TRPA1: variants seen among roughly 807,000 people sequenced by gnomAD.
TRPA1 encodes the protein ankyrin-like with transmembrane domains 1.
In TRPA1, 129 loss-of-function variants were observed where a neutral mutation model predicts 131.3. That is an observed-to-expected ratio of 0.98 (90% CI 0.85 to 1.14). The LOEUF (loss-of-function observed/expected upper bound fraction) is 1.14. Ranked by LOEUF, TRPA1 falls within the 50% of genes most tolerant of loss-of-function variation. The pLI, the probability that TRPA1 is intolerant of heterozygous loss-of-function variation, is 0.00. For synonymous variants in TRPA1, 441 were observed against 451.7 expected, an observed-to-expected ratio of 0.98 and a Z score of 0.30; for missense variants, 1,304 against 1,354.2, an observed-to-expected ratio of 0.96 and a Z score of 0.58.
rs1369924831 is a variant in TRPA1, at chr8:72,026,000, A to G, written c.3011T>C (p.Ile1004Thr). The G allele has an allele frequency of 6.2e-7, 1 of 1,613,888 alleles. No individual in the cohort carries two copies. Among genetic ancestry groups the G allele is most frequent in the Non-Finnish European group, 8.5e-7 (1 of 1,179,932 alleles). ...FLRKVDQKST[I>T]VYPNKPRSGG... ...AGATCTGGGTTTGTTGGGATACACGATGGTGGATTTCTGATCCACTTTGCG... is the reference window on the plus strand; with the variant it reads ...AGATCTGGGTTTGTTGGGATACACGGTGGTGGATTTCTGATCCACTTTGCG... Residue 1004 changes from isoleucine (I) to threonine (T), a missense_variant, in exon 25 of 27, where the codon ATC becomes ACC. Transcript: ENST00000262209.
At position 72,022,559 on chromosome 8, in the gene TRPA1, G is replaced by A. The variant is rs1266130726; in HGVS notation, c.*347C>T. 3.5e-5 allele frequency: 13 copies of A among 375,314 alleles called. No homozygotes were observed. Among genetic ancestry groups the A allele is most frequent in the Middle Eastern group, 8.9e-4 (1 of 1,118 alleles). 23.2% of individuals were successfully genotyped at this position (375,314 alleles called of 1,614,324 possible). On this transcript the variant is annotated 3_prime_UTR_variant, in exon 27 of 27. Coordinates refer to ENST00000262209, the MANE Select transcript of TRPA1 (RefSeq NM_007332.3). ...TATGTAATTAACAAGCAGGAATTCA[G>A]TACTGACATTTGCATTTTAGCTTAA...
At chr8:72,026,187 C>G (rs948852536) in intron 24 of TRPA1, 114 bp from the exon 25 acceptor site, 6 of 827,154 alleles carry the variant, frequency 7.3e-6, no homozygotes, top group Non-Finnish European at 1.2e-5. Context: ...TATGTCCTGA[C>G]TTCTGTGCCA....
rs954783796 is a variant in TRPA1 at position 72,067,599 on chromosome 8, A to C, written c.444+1424T>G. Among the ~76,000 whole-genome samples the C allele has an allele frequency of 4.6e-5, 7 of 152,222 alleles. No homozygotes were observed. In the East Asian group the frequency reaches 1.4e-3, roughly 29 times the overall value. ...ACAGTTACCTATCTTCAATTCCCAA[A>C]CCACACTTTCACGGCCAATATTAAG... On this transcript the variant is annotated intron_variant, in intron 3 of 26. Coordinates refer to ENST00000262209, the MANE Select transcript of TRPA1 (RefSeq NM_007332.3).
chr8:72,024,479 G>A (rs764131561), intron 25 of TRPA1, among the ~76,000 whole-genome samples: 1 of 152,150 alleles, frequency 6.6e-6, no homozygotes, highest in Non-Finnish European at 1.5e-5. Flanking sequence ...GGCCATCCAG[G>A]AAGTCAAATG....
At chr8:72,082,870 C>A in the TRPA1 span, among the ~76,000 whole-genome samples, 1 of 151,752 alleles carries the variant, frequency 6.6e-6, no homozygotes, top group South Asian at 2.1e-4. Context: ...AGTTTTCAGT[C>A]ATAATTTCTT....
At chr8:72,035,384 A>G (rs183013995) in intron 21 of TRPA1, among the ~76,000 whole-genome samples, 2 of 152,302 alleles carry the variant, frequency 1.3e-5, no homozygotes, top group Non-Finnish European at 2.9e-5. Flanking sequence ...ACTCAACTCT[A>G]TCACTGTGCT....
chr8:72,022,720 A>T lies in TRPA1; in HGVS notation c.*186T>A. On this transcript the variant is annotated 3_prime_UTR_variant, in exon 27 of 27. Coordinates refer to ENST00000262209, the MANE Select transcript of TRPA1 (RefSeq NM_007332.3). ...ATATCTGCAAAGATATCCCCAATAC[A>T]TAGTGATTGGTAGAAAATATGAATA... The T allele has an allele frequency of 1.5e-6, 1 of 669,130 alleles. No individual in the cohort carries two copies. The allele number at this position is 669,130 out of a possible 1,614,324, so 41.4% of individuals were successfully genotyped here. A position where few individuals can be genotyped will look rare whatever the true frequency, so the allele number is the denominator to read the frequency against.
intron 20 of TRPA1, 50 bp from the exon 21 acceptor site, chr8:72,036,507 A>G: frequency 6.5e-7 from 1 of 1,534,194 alleles, no homozygotes; most frequent in East Asian, 2.3e-5. Flanking sequence ...CCTAGCATCT[A>G]TGGATGGTTA....
chr8:72,040,064 C>T (rs1221439758), intron 17 of TRPA1, among the ~76,000 whole-genome samples: 1 of 152,022 alleles, frequency 6.6e-6, no homozygotes. Context: ...TAATCTTATA[C>T]AGGATTACAA....
At chr8:72,077,474 C>G (rs564780181), upstream of TRPA1, among the ~76,000 whole-genome samples, 19 of 152,292 alleles carry the variant, frequency 1.2e-4, no homozygotes, top group Admixed American at 5.9e-4. Flanking sequence ...AATTTGTCTT[C>G]TCTGTCTTTA....
chr8:72,039,270 C>T (rs563543651), intron 18 of TRPA1, among the ~76,000 whole-genome samples: 3 of 152,122 alleles, frequency 2.0e-5, no homozygotes, highest in East Asian at 3.9e-4. Flanking sequence ...TATAATCTGT[C>T]GGCAATATGA....
chr8:72,079,012 A>G (rs560027481), upstream of TRPA1, among the ~76,000 whole-genome samples: 7 of 152,134 alleles, frequency 4.6e-5, no homozygotes, highest in African/African-American at 7.2e-5. Context: ...GATATTGTCC[A>G]TATTAGCATG....
At chr8:72,070,860 T>C (rs749143589) in intron 2 of TRPA1, among the ~76,000 whole-genome samples, 3 of 152,226 alleles carry the variant, frequency 2.0e-5, no homozygotes, top group Non-Finnish European at 4.4e-5. Context: ...TATTTCCAAC[T>C]GGATGTCCCC....
chr8:72,058,709 C>T (rs536878066), intron 8 of TRPA1, among the ~76,000 whole-genome samples: 1 of 152,214 alleles, frequency 6.6e-6, no homozygotes, highest in East Asian at 1.9e-4. Context: ...TAATGAGTCT[C>T]CCCAGCACTC....
chr8:72,067,785 G>A (rs1312827579), intron 3 of TRPA1, among the ~76,000 whole-genome samples: 1 of 152,130 alleles, frequency 6.6e-6, no homozygotes, highest in Non-Finnish European at 1.5e-5. Flanking sequence ...AAAAATAACA[G>A]CTTGTTGCCA....
intron 25 of TRPA1, 43 bp downstream of exon 25, chr8:72,025,917 C>G: frequency 6.6e-7 from 1 of 1,518,318 alleles, no homozygotes; most frequent in South Asian, 1.1e-5. Flanking sequence ...GAATGTCAAA[C>G]AGTGTCATGT....
intron 25 of TRPA1, among the ~76,000 whole-genome samples, chr8:72,024,916 G>A (rs1392724200): frequency 6.6e-6 from 1 of 152,132 alleles, no homozygotes; most frequent in Non-Finnish European, 1.5e-5. Context: ...CTACACAGGG[G>A]AAATTAACCT....
At chr8:72,040,212 G>A (rs1320179246) in intron 17 of TRPA1, among the ~76,000 whole-genome samples, 2 of 152,056 alleles carry the variant, frequency 1.3e-5, no homozygotes, top group Non-Finnish European at 2.9e-5. Flanking sequence ...TAGATCATAA[G>A]TTTTCATTAG....
At position 72,060,914 on chromosome 8, in the gene TRPA1, G is replaced by C. The variant is rs373791700; in HGVS notation, c.944+711C>G. Among the ~76,000 whole-genome samples, 10 of 148,770 alleles carry C rather than the reference G, an allele frequency of 6.7e-5. No homozygotes were observed. In the East Asian group the frequency reaches 1.6e-3, roughly 24 times the overall value. ...AGAATTCCAGGTCCAGTTGCCTATT[G>C]AAAATATATTGGCAGCTCTGACTGT... On this transcript the variant is annotated intron_variant, in intron 7 of 26. Coordinates refer to ENST00000262209, the MANE Select transcript of TRPA1 (RefSeq NM_007332.3).
Sources: allele counts gnomAD v4.1 joint callset (sites outside exome capture counted in the v4.1 genomes callset), GRCh38; gene constraint gnomAD v4.1.1; transcripts MANE v1.5; gene names NCBI Gene and HGNC (gene_info 2026-07-23, HGNC 2026-07-21).